The following GLIS3 variants were observed in gnomAD, a reference collection of about 807,000 sequenced individuals.
GLIS3 encodes the protein GLIS family zinc finger 3.
Under a neutral mutation model 78.6 loss-of-function variants are expected in GLIS3, and 53 were observed. The ratio of observed to expected loss-of-function variants is 0.67; its 90% CI spans 0.54 to 0.85. GLIS3 has a LOEUF of 0.85. Ranked by LOEUF, GLIS3 falls within the 40% of genes least tolerant of loss-of-function variation. GLIS3 has a pLI of 0.00. For synonymous variants in GLIS3, 684 were observed against 509.9 expected, an observed-to-expected ratio of 1.34 and a Z score of -4.60; for missense variants, 1,703 against 1,231.1, an observed-to-expected ratio of 1.38 and a Z score of -5.74.
At chr9:3,928,963 C>T (rs1420582894) in intron 6 of GLIS3, among the ~76,000 whole-genome samples, 2 of 152,216 alleles carry the variant, frequency 1.3e-5, no homozygotes, top group African/African-American at 4.8e-5. Context: ...CTGCTTATGG[C>T]ACTTACAAGG....
chr9:4,272,772 C>G (rs776452038), intron 2 of GLIS3, among the ~76,000 whole-genome samples: 35 of 152,086 alleles, frequency 2.3e-4, no homozygotes, highest in Non-Finnish European at 4.0e-4. Context: ...ATGACTTGAT[C>G]GGAAGGCTGT....
intron 6 of GLIS3, among the ~76,000 whole-genome samples, chr9:3,918,418 C>G (rs1384239293): frequency 6.6e-6 from 1 of 152,296 alleles, no homozygotes; most frequent in Non-Finnish European, 1.5e-5. Flanking sequence ...AAAAGGCAAG[C>G]ATGCTTATGT....
At chr9:3,911,631 G>C (rs1483636051) in intron 6 of GLIS3, among the ~76,000 whole-genome samples, 1 of 152,192 alleles carries the variant, frequency 6.6e-6, no homozygotes, top group Non-Finnish European at 1.5e-5. Context: ...ACTACGTGGA[G>C]TTGAATTTTT....
At chr9:4,021,579 T>A (rs1435199767) in intron 4 of GLIS3, among the ~76,000 whole-genome samples, 1 of 152,190 alleles carries the variant, frequency 6.6e-6, no homozygotes, top group Non-Finnish European at 1.5e-5. Context: ...GCATCCATTG[T>A]ACATTAGTCA....
At chr9:4,411,325 A>G in the GLIS3 span, among the ~76,000 whole-genome samples, 1 of 152,156 alleles carries the variant, frequency 6.6e-6, no homozygotes, top group African/African-American at 2.4e-5. Flanking sequence ...CGCCTTTTTC[A>G]TTAGTCCACA....
chr9:4,364,753 TTGC>T, the GLIS3 span, among the ~76,000 whole-genome samples: 2 of 117,910 alleles, frequency 1.7e-5, no homozygotes, highest in African/African-American at 6.5e-5. Flanking sequence ...TCATCATGTA[TTGC>T]TTTTTTTTTT....
At chr9:4,274,734 C>G (rs1001706703) in intron 2 of GLIS3, among the ~76,000 whole-genome samples, 2 of 152,184 alleles carry the variant, frequency 1.3e-5, no homozygotes, top group Admixed American at 1.3e-4. Context: ...AGTGCAGGAC[C>G]CTGTGCAGTG....
chr9:4,248,847 G>A (rs773777970), intron 2 of GLIS3, among the ~76,000 whole-genome samples: 6 of 152,156 alleles, frequency 3.9e-5, no homozygotes, highest in Non-Finnish European at 7.4e-5. Flanking sequence ...CAGTGATGAT[G>A]ACATTTTTTT....
At chr9:4,314,330 G>C (rs992773294) in intron 2 of GLIS3, among the ~76,000 whole-genome samples, 7 of 152,106 alleles carry the variant, frequency 4.6e-5, no homozygotes, top group African/African-American at 1.7e-4. Flanking sequence ...TGCATGTCTT[G>C]GCACTGTGTA....
chr9:4,303,107 C>T (rs981502919), upstream of GLIS3, among the ~76,000 whole-genome samples: 7 of 129,786 alleles, frequency 5.4e-5, no homozygotes, highest in Admixed American at 5.8e-4. Flanking sequence ...TTTGAGTCAC[C>T]CTGAGTGCTC....
chr9:3,970,406 G>C (rs1038137633), intron 4 of GLIS3, among the ~76,000 whole-genome samples: 1 of 152,206 alleles, frequency 6.6e-6, no homozygotes. Context: ...GGAACAGGAA[G>C]TCCAAAATGT....
At chr9:4,205,806 C>T (rs193071876) in intron 2 of GLIS3, among the ~76,000 whole-genome samples, 4 of 152,314 alleles carry the variant, frequency 2.6e-5, no homozygotes, top group Admixed American at 2.6e-4. Context: ...CAGAGAGGTT[C>T]AGCAGTGACC....
intron 2 of GLIS3, among the ~76,000 whole-genome samples, chr9:4,243,422 A>G (rs1413725299): frequency 3.9e-5 from 6 of 152,192 alleles, no homozygotes; most frequent in Admixed American, 2.6e-4. Flanking sequence ...ACATACGCAT[A>G]GAGTACTAAC....
Position 3,894,437 on chromosome 9 carries a change from G to A in GLIS3, c.2128+4254C>T, listed in dbSNP as rs1388120688. Among the ~76,000 whole-genome samples the A allele has an allele frequency of 2.0e-5, 3 of 152,154 alleles. No individual in the cohort carries two copies. In the South Asian group the frequency reaches 6.2e-4, roughly 32 times the overall value. On this transcript the variant is annotated intron_variant, in intron 7 of 10. Transcript: ENST00000381971. The stretch of plus-strand genomic sequence containing the variant: ...CAACTCTGCAAGCTGTCCCACGACA[G>A]CAAATATACTCAATTTAAGAATGTA...
intron 4 of GLIS3, among the ~76,000 whole-genome samples, chr9:3,973,111 A>G (rs184414945): frequency 2.6e-4 from 39 of 152,316 alleles, no homozygotes; most frequent in Non-Finnish European, 5.4e-4. Flanking sequence ...AAAAATACAT[A>G]TTAAGATCAA....
At chr9:4,141,430 T>C (rs560546937) in intron 2 of GLIS3, among the ~76,000 whole-genome samples, 1 of 152,334 alleles carries the variant, frequency 6.6e-6, no homozygotes, top group South Asian at 2.1e-4. Context: ...CTAGAGGCTA[T>C]GTGGGGCTTG....
intron 2 of GLIS3, among the ~76,000 whole-genome samples, chr9:4,153,265 T>C (rs758020716): frequency 2.0e-5 from 3 of 152,230 alleles, no homozygotes; most frequent in Non-Finnish European, 4.4e-5. Flanking sequence ...ATCAAAAATA[T>C]GAAAATAAAA....
At chr9:4,200,193 T>A (rs1350905798) in intron 2 of GLIS3, among the ~76,000 whole-genome samples, 1 of 151,960 alleles carries the variant, frequency 6.6e-6, no homozygotes, top group African/African-American at 2.4e-5. Flanking sequence ...ACACCTACCT[T>A]GCAAAATTAT....
chr9:3,988,017 G>C (rs1353820044), intron 4 of GLIS3, among the ~76,000 whole-genome samples: 1 of 151,896 alleles, frequency 6.6e-6, no homozygotes, highest in Non-Finnish European at 1.5e-5. Flanking sequence ...ATATATTTAA[G>C]GTCTACAACT....
Sources: allele counts gnomAD v4.1 joint callset (sites outside exome capture counted in the v4.1 genomes callset), GRCh38; gene constraint gnomAD v4.1.1; transcripts MANE v1.5; gene names NCBI Gene and HGNC (gene_info 2026-07-23, HGNC 2026-07-21).